The following JARID2 variants were observed in gnomAD, a reference collection of about 807,000 sequenced individuals.
The protein encoded by JARID2 is protein Jumonji.
JARID2 carries 21 observed loss-of-function variants against 125.6 expected under a neutral mutation model. That is an observed-to-expected ratio of 0.17 (90% CI 0.12 to 0.24). JARID2 has a LOEUF of 0.24. Among genes scored for constraint, JARID2 ranks in the 10% least tolerant of loss-of-function variants. The probability of loss-of-function intolerance (pLI) is 1.00; values close to 1 mark genes in which losing one functional copy is unlikely to be tolerated. For synonymous variants in JARID2, 736 were observed against 661.6 expected (o/e 1.11, Z -1.73); for missense variants, 1,303 against 1,639.6 (o/e 0.79, Z 3.55).
At chr6:15,304,544 C>G (rs1034448575) in intron 1 of JARID2, among the ~76,000 whole-genome samples, 1 of 152,042 alleles carries the variant, frequency 6.6e-6, no homozygotes. Context: ...TTCACAGACT[C>G]CCATATCTAG....
chr6:15,413,480 A>C (rs1031022448), intron 3 of JARID2, among the ~76,000 whole-genome samples: 3 of 152,160 alleles, frequency 2.0e-5, no homozygotes, highest in African/African-American at 7.2e-5. Context: ...ATTGGCTTAC[A>C]TTTCTGGAGG....
intron 7 of JARID2, among the ~76,000 whole-genome samples, chr6:15,498,302 A>C (rs900845015): frequency 7.2e-5 from 11 of 152,114 alleles, no homozygotes; most frequent in African/African-American, 2.7e-4. Context: ...GCTGTTGGAA[A>C]CTTGTCACAG....
Position 15,500,920 on chromosome 6 carries a change from C to A in JARID2, c.1959C>A (p.Leu653=). ...TCGCTGTCCCAGGGGGCTGTGAGCTCGACCTGGCCTGCTTTTTCCGGCTGA... is the reference window on the plus strand; with the variant it reads ...TCGCTGTCCCAGGGGGCTGTGAGCTAGACCTGGCCTGCTTTTTCCGGCTGA... ...DELPLIGGCE[L]DLACFFRLIN... is the part of the protein sequence containing the mutation. The change falls in exon 8 of 18, where the codon CTC becomes CTA. Residue 653 remains leucine, a synonymous_variant. Coordinates refer to ENST00000341776, the MANE Select transcript of JARID2 (RefSeq NM_004973.4). 6 of 1,605,688 alleles carry A rather than the reference C, an allele frequency of 3.7e-6. No individual in the cohort carries two copies. The highest frequency in any genetic ancestry group is 5.1e-6 in the Non-Finnish European group (6 of 1,175,040).
chr6:15,263,074 TTGTGTGTGTGTG>T (rs561238062), intron 1 of JARID2, among the ~76,000 whole-genome samples: 1,590 of 139,776 alleles, frequency 0.011, 15 homozygotes, highest in African/African-American at 0.019. Context: ...GGGTGTGTGT[TTGTGTGTGTGTG>T]TGTGTGTGTG....
intron 5 of JARID2, among the ~76,000 whole-genome samples, chr6:15,471,275 G>A (rs559861837): frequency 1.3e-5 from 2 of 152,352 alleles, no homozygotes; most frequent in Non-Finnish European, 1.5e-5. Context: ...TGGAGCTGCT[G>A]CTTGAAGCCT....
intron 1 of JARID2, among the ~76,000 whole-genome samples, chr6:15,354,233 G>A (rs1763524814): frequency 6.6e-6 from 1 of 152,184 alleles, no homozygotes; most frequent in Non-Finnish European, 1.5e-5. Flanking sequence ...TGGGAGTGAT[G>A]CAGTTTGAGG....
chr6:15,356,034 G>A (rs898925916), intron 1 of JARID2, among the ~76,000 whole-genome samples: 6 of 152,158 alleles, frequency 3.9e-5, no homozygotes, highest in Non-Finnish European at 7.3e-5. Flanking sequence ...GTCTTTGTGG[G>A]TTGGCCTATT....
At chr6:15,444,365 T>A (rs1194137323) in intron 3 of JARID2, among the ~76,000 whole-genome samples, 2 of 152,298 alleles carry the variant, frequency 1.3e-5, no homozygotes, top group East Asian at 3.9e-4. Flanking sequence ...GAGGATGTGT[T>A]TATTTTCTCT....
chr6:15,506,057 G>A (rs928980180), intron 9 of JARID2, among the ~76,000 whole-genome samples: 2 of 152,240 alleles, frequency 1.3e-5, no homozygotes, highest in East Asian at 1.9e-4. Flanking sequence ...CCCTCTGAAA[G>A]TCTGGATTTT....
intron 3 of JARID2, among the ~76,000 whole-genome samples, chr6:15,436,007 T>C (rs746388215): frequency 1.3e-5 from 2 of 152,114 alleles, no homozygotes; most frequent in Non-Finnish European, 2.9e-5. Flanking sequence ...CCGCTGCTCA[T>C]ACCTCTAGGG....
rs186624890 is a variant in JARID2, at chr6:15,503,738, C to G, written c.2449-762C>G. On this transcript the variant is annotated intron_variant, in intron 8 of 17. Coordinates refer to ENST00000341776, the MANE Select transcript of JARID2 (RefSeq NM_004973.4). ...GACTCAAGCAACAAATGTGCCCGGT[C>G]AAGTAAGAAAGAAATAGCAAGGGTC... Among the ~76,000 whole-genome samples the G allele has an allele frequency of 1.4e-4, 21 of 152,290 alleles. No individual in the cohort carries two copies. The East Asian group carries it at 3.5e-3, about 25-fold the overall frequency.
intron 16 of JARID2, among the ~76,000 whole-genome samples, chr6:15,515,088 C>T (rs1258806930): frequency 6.6e-6 from 1 of 151,834 alleles, no homozygotes; most frequent in East Asian, 1.9e-4. Flanking sequence ...TGCTCTGTTG[C>T]CTAGGATGGA....
rs569709045 is a variant in JARID2, at chr6:15,346,699, A to G, written c.46-27418A>G. On this transcript the variant is annotated intron_variant, in intron 1 of 17. Transcript: ENST00000341776. ...CAACGTCTGGATGCTTGTAGTGACCAGCTTGTAGTGGTCAAGTTATTCCTA... is the reference window on the plus strand; with the variant it reads ...CAACGTCTGGATGCTTGTAGTGACCGGCTTGTAGTGGTCAAGTTATTCCTA... Among the ~76,000 whole-genome samples the G allele has an allele frequency of 6.6e-4, 99 of 149,800 alleles. 1 individual carries two copies. Among genetic ancestry groups the G allele is most frequent in the Non-Finnish European group, 8.7e-4 (59 of 67,722 alleles).
intron 2 of JARID2, among the ~76,000 whole-genome samples, chr6:15,386,455 G>C (rs568614910): frequency 1.3e-5 from 2 of 151,984 alleles, no homozygotes; most frequent in African/African-American, 4.8e-5. Context: ...ACGCTGAAAA[G>C]GTTCCTCCTT....
intron 1 of JARID2, among the ~76,000 whole-genome samples, chr6:15,340,949 C>T (rs1041853596): frequency 6.6e-6 from 1 of 152,116 alleles, no homozygotes; most frequent in African/African-American, 2.4e-5. Flanking sequence ...TGGTCAAAGA[C>T]CTGACCACCT....
Position 15,496,627 on chromosome 6 carries a change from G to C in JARID2, c.1402G>C (p.Glu468Gln). The C allele has an allele frequency of 6.2e-7, 1 of 1,608,698 alleles. No individual in the cohort carries two copies. Among genetic ancestry groups the C allele is most frequent in the Non-Finnish European group, 8.5e-7 (1 of 1,178,568 alleles). Reference sequence around the variant, plus strand: ...GATGAAAGGGGCGGCTGGCCCCGCCGAAGGCCCTGGCAAGAAGGCCCCGGC... The same window carrying C: ...GATGAAAGGGGCGGCTGGCCCCGCCCAAGGCCCTGGCAAGAAGGCCCCGGC... ...KKMKGAAGPA[E>Q]GPGKKAPAER... The change falls in exon 7 of 18, where the codon GAA (glutamate) becomes CAA (glutamine). Residue 468 changes from glutamate (E) to glutamine (Q), a missense_variant. This residue lies in a region of JARID2 where 651 missense variants were observed against 581.6 expected (regional missense o/e 1.12). Transcript: ENST00000341776.
At chr6:15,455,824 G>A (rs368050545) in intron 4 of JARID2, among the ~76,000 whole-genome samples, 5 of 152,178 alleles carry the variant, frequency 3.3e-5, no homozygotes, top group African/African-American at 9.7e-5. Flanking sequence ...CACCATGCCC[G>A]GCGAAGCCAG....
chr6:15,517,664 G>C (rs1287428320), intron 17 of JARID2, among the ~76,000 whole-genome samples: 1 of 152,232 alleles, frequency 6.6e-6, no homozygotes, highest in Non-Finnish European at 1.5e-5. Context: ...CAGGCTGAGA[G>C]AGCTGGAAGT....
intron 6 of JARID2, among the ~76,000 whole-genome samples, chr6:15,488,587 G>A (rs1221738249): frequency 2.0e-5 from 3 of 152,180 alleles, no homozygotes; most frequent in Non-Finnish European, 4.4e-5. Flanking sequence ...TTATTGTGGT[G>A]TGAAAATACT....
Sources: allele counts gnomAD v4.1 joint callset (sites outside exome capture counted in the v4.1 genomes callset), GRCh38; gene constraint gnomAD v4.1.1; regional missense constraint gnomAD v4.1.1; transcripts MANE v1.5; gene names NCBI Gene and HGNC (gene_info 2026-07-23, HGNC 2026-07-21).